PHIP: variants seen among roughly 807,000 people sequenced by gnomAD.
PHIP encodes PHIP subunit of CUL4-Ring ligase complex, also known as PH-interacting protein.
A neutral mutation model predicts 236.8 loss-of-function variants in PHIP; 54 were observed. That is an observed-to-expected ratio of 0.23 (90% CI 0.18 to 0.29). The LOEUF (loss-of-function observed/expected upper bound fraction) is 0.29. PHIP is among the 10% of genes least tolerant of loss of function. The pLI is 1.00. For missense variants in PHIP, 1,370 were observed against 2,190.8 expected, an observed-to-expected ratio of 0.63 and a Z score of 7.48; for synonymous variants, 756 against 718.9, an observed-to-expected ratio of 1.05 and a Z score of -0.83.
chr6:78,978,716 C>A lies in PHIP; in HGVS notation c.2770-5G>T, dbSNP rs776840821. 26 of 1,587,908 alleles carry A rather than the reference C, an allele frequency of 1.6e-5. No individual in the cohort carries two copies. Among genetic ancestry groups the A allele is most frequent in the Non-Finnish European group, 2.2e-5 (25 of 1,162,212 alleles). The stretch of plus-strand genomic sequence containing the variant: ...TAGTTCTCCCACAGCCAATCTCTGA[C>A]AAAATTTAAGTAATAATTGTTAAGT... On this transcript the variant is annotated splice_region_variant and splice_polypyrimidine_tract_variant and intron_variant, in intron 23 of 39. Coordinates refer to ENST00000275034, the MANE Select transcript of PHIP (RefSeq NM_017934.7).
At chr6:79,077,638 G>T in intron 3 of PHIP, 62 bp downstream of exon 3, 1 of 911,960 alleles carries the variant, frequency 1.1e-6, no homozygotes, top group Non-Finnish European at 1.3e-6. Flanking sequence ...CGGCAGCGGC[G>T]GCGCAGCGGC....
At chr6:79,004,527 G>A in intron 15 of PHIP, 1 of 445,176 alleles carries the variant, frequency 2.2e-6, no homozygotes, top group Non-Finnish European at 3.0e-6. Flanking sequence ...AACTTCTTTA[G>A]CAGTGTTCTG....
At chr6:79,014,209 T>C (rs1380648121) in intron 15 of PHIP, among the ~76,000 whole-genome samples, 1 of 151,764 alleles carries the variant, frequency 6.6e-6, no homozygotes, top group African/African-American at 2.4e-5. Context: ...CAATCAAGCA[T>C]AGCATCACAT....
rs1349213901 is a variant in PHIP, at chr6:78,947,590, C to T, written c.4206+33G>A. On this transcript the variant is annotated intron_variant, in intron 36 of 39. Coordinates refer to ENST00000275034, the MANE Select transcript of PHIP (RefSeq NM_017934.7). ...ATTTAACACACTCCTCTAACTTAATCTAGTCATAAAAGAAAATAATGTAAT... is the reference window on the plus strand; with the variant it reads ...ATTTAACACACTCCTCTAACTTAATTTAGTCATAAAAGAAAATAATGTAAT... The T allele has an allele frequency of 2.8e-6, 3 of 1,078,692 alleles. No individual in the cohort carries two copies. The Admixed American group carries it at 6.5e-5, about 23-fold the overall frequency. The allele number at this position is 1,078,692 out of a possible 1,614,324, so 66.8% of individuals were successfully genotyped here.
intron 17 of PHIP, among the ~76,000 whole-genome samples, chr6:79,001,003 G>C (rs1769956864): frequency 6.6e-6 from 1 of 152,008 alleles, no homozygotes; most frequent in African/African-American, 2.4e-5. Context: ...ATGCACGTTT[G>C]AGGTTGATTT....
At chr6:79,036,299 TCATTA>T (rs921938544) in intron 7 of PHIP, among the ~76,000 whole-genome samples, 1 of 152,132 alleles carries the variant, frequency 6.6e-6, no homozygotes, top group African/African-American at 2.4e-5. Flanking sequence ...TCCTTAAATA[TCATTA>T]CATATCAATA....
At position 78,936,331 on chromosome 6, in the gene PHIP, C is replaced by T. The variant is rs1254714661; in HGVS notation, c.*4362G>A. On this transcript the variant is annotated 3_prime_UTR_variant, in exon 40 of 40. Coordinates refer to ENST00000275034, the MANE Select transcript of PHIP (RefSeq NM_017934.7). ...CTACACATGTCTAAATATCCTGTGA[C>T]AGGATTTAAGTTTTCTAAAAGATCT... 1.3e-5 allele frequency: 2 copies of T among 151,864 alleles called. No homozygotes were observed. Among genetic ancestry groups the T allele is most frequent in the Non-Finnish European group, 2.9e-5 (2 of 67,798 alleles). 9.4% of individuals were successfully genotyped at this position (151,864 alleles called of 1,614,324 possible). A position where few individuals can be genotyped will look rare whatever the true frequency, so the allele number is the denominator to read the frequency against.
rs1012117259 is a variant in PHIP at position 79,065,568 on chromosome 6, A to G, written c.190-4750T>C. Among the ~76,000 whole-genome samples, 11 of 152,010 alleles carry G rather than the reference A, an allele frequency of 7.2e-5. No homozygotes were observed. In the South Asian group the frequency reaches 1.7e-3, roughly 23 times the overall value. ...CCATGTGTCTCAGATCTTCCCTCTA[A>G]TGTAACTTCCTTTGTTTTTCTATAC... On this transcript the variant is annotated intron_variant, in intron 4 of 39. Coordinates refer to ENST00000275034, the MANE Select transcript of PHIP (RefSeq NM_017934.7).
intron 7 of PHIP, among the ~76,000 whole-genome samples, chr6:79,038,262 G>C (rs1772042019): frequency 6.6e-6 from 1 of 152,246 alleles, no homozygotes; most frequent in Non-Finnish European, 1.5e-5. Flanking sequence ...AGTGCCAGTA[G>C]ATGTGGTGTC....
intron 35 of PHIP, among the ~76,000 whole-genome samples, chr6:78,948,156 T>G (rs543144820): frequency 8.5e-5 from 13 of 152,278 alleles, no homozygotes; most frequent in African/African-American, 2.6e-4. Flanking sequence ...TCTGACTCAT[T>G]AAAACACAAC....
intron 15 of PHIP, among the ~76,000 whole-genome samples, chr6:79,012,676 A>AT (rs1363529264): frequency 6.6e-6 from 1 of 151,764 alleles, no homozygotes; most frequent in African/African-American, 2.4e-5. Flanking sequence ...AATAGCTATA[A>AT]TTATAGCCAA....
At chr6:78,963,287 G>T in intron 29 of PHIP, 35 bp from the exon 30 acceptor site, 1 of 1,544,690 alleles carries the variant, frequency 6.5e-7, no homozygotes, top group Non-Finnish European at 8.8e-7. Context: ...CAAATACATG[G>T]TAACTTATTA....
At chr6:79,035,574 C>T (rs1288937793) in intron 7 of PHIP, among the ~76,000 whole-genome samples, 1 of 152,038 alleles carries the variant, frequency 6.6e-6, no homozygotes, top group Non-Finnish European at 1.5e-5. Flanking sequence ...CCTTGAAAAC[C>T]TACTGTTATC....
intron 24 of PHIP, among the ~76,000 whole-genome samples, chr6:78,971,325 T>C (rs1045953354): frequency 1.3e-5 from 2 of 152,256 alleles, no homozygotes; most frequent in African/African-American, 2.4e-5. Context: ...CAGCAGGGCA[T>C]ACATTTATCC....
Position 78,985,360 on chromosome 6 carries a change from G to A in PHIP, c.2529C>T (p.Gly843=). ...AAAAAGCATTCATTTACCTAGAACTGCCATCACTGTGCCATGCTCTCTCTT... is the reference window on the plus strand; with the variant it reads ...AAAAAGCATTCATTTACCTAGAACTACCATCACTGTGCCATGCTCTCTCTT... ...EEEERAWHSD[G]SSSDYSSDYS... The change falls in exon 22 of 40, where the codon GGC becomes GGT. Residue 843 remains glycine (G), a synonymous_variant. Transcript: ENST00000275034. 1.3e-6 allele frequency: 2 copies of A among 1,562,556 alleles called. No homozygotes were observed. Among genetic ancestry groups the A allele is most frequent in the East Asian group, 2.2e-5 (1 of 44,620 alleles).
chr6:78,998,655 AACTCCATTAGGTATGTAT>A (rs1206963535), intron 17 of PHIP, among the ~76,000 whole-genome samples: 1 of 152,180 alleles, frequency 6.6e-6, no homozygotes, highest in African/African-American at 2.4e-5. Context: ...TCCGTATGGT[AACTCCATTAGGTATGTAT>A]AAACAACTCC....
At chr6:79,073,544 C>T (rs569927517) in intron 4 of PHIP, among the ~76,000 whole-genome samples, 1 of 152,056 alleles carries the variant, frequency 6.6e-6, no homozygotes, top group African/African-American at 2.4e-5. Context: ...GGAATCCCTA[C>T]TTCTAAAACA....
chr6:79,029,249 T>G (rs185111731), intron 7 of PHIP, among the ~76,000 whole-genome samples: 3 of 152,294 alleles, frequency 2.0e-5, no homozygotes, highest in African/African-American at 7.2e-5. Flanking sequence ...CCCCTACCCC[T>G]AATTCTACCC....
intron 22 of PHIP, among the ~76,000 whole-genome samples, chr6:78,984,598 A>G (rs892209097): frequency 1.3e-5 from 2 of 152,170 alleles, no homozygotes; most frequent in South Asian, 4.1e-4. Flanking sequence ...GCCAAAAGAA[A>G]TTCAATTTTT....
Sources: allele counts gnomAD v4.1 joint callset (sites outside exome capture counted in the v4.1 genomes callset), GRCh38; gene constraint gnomAD v4.1.1; transcripts MANE v1.5; gene names NCBI Gene and HGNC (gene_info 2026-07-23, HGNC 2026-07-21).